NELL1: variants seen among roughly 807,000 people sequenced by gnomAD.
NELL1 encodes the protein neural EGFL like 1.
Under a neutral mutation model 107.4 loss-of-function variants are expected in NELL1, and 76 were observed. That is an observed-to-expected ratio of 0.71 (90% CI 0.59 to 0.86). NELL1 has a LOEUF of 0.86. NELL1 is among the 40% of genes least tolerant of loss of function. The pLI is 0.00. For missense variants in NELL1, 1,024 were observed against 1,005.5 expected, an observed-to-expected ratio of 1.02 and a Z score of -0.25; for synonymous variants, 353 against 341.2, an observed-to-expected ratio of 1.03 and a Z score of -0.38.
chr11:21,304,423 T>C (rs1216387967), intron 14 of NELL1, among the ~76,000 whole-genome samples: 1 of 152,026 alleles, frequency 6.6e-6, no homozygotes, highest in African/African-American at 2.4e-5. Flanking sequence ...CTATTGTCTC[T>C]ACCACTGTGT....
At chr11:20,814,075 A>G (rs1275462101) in intron 3 of NELL1, among the ~76,000 whole-genome samples, 1 of 151,790 alleles carries the variant, frequency 6.6e-6, no homozygotes, top group African/African-American at 2.4e-5. Context: ...GGCTCACTGC[A>G]AGCTCCACCT....
At chr11:21,046,300 A>G (rs1457217645) in intron 12 of NELL1, among the ~76,000 whole-genome samples, 2 of 152,186 alleles carry the variant, frequency 1.3e-5, no homozygotes, top group Admixed American at 1.3e-4. Context: ...ACTAATCAAC[A>G]TCAAGTTAAC....
chr11:20,764,680 A>G (rs1479750756), intron 2 of NELL1, among the ~76,000 whole-genome samples: 3 of 149,978 alleles, frequency 2.0e-5, no homozygotes. Flanking sequence ...TACCCAGGTG[A>G]TTCTGATGCA....
At chr11:21,386,802 A>G (rs1851757247) in intron 15 of NELL1, among the ~76,000 whole-genome samples, 1 of 151,874 alleles carries the variant, frequency 6.6e-6, no homozygotes, top group Non-Finnish European at 1.5e-5. Flanking sequence ...TTATTTTTGT[A>G]CATATATTTT....
chr11:21,075,741 G>C (rs573022146), intron 12 of NELL1, among the ~76,000 whole-genome samples: 8 of 152,178 alleles, frequency 5.3e-5, no homozygotes, highest in Non-Finnish European at 8.8e-5. Context: ...CCTAAGATCA[G>C]TCTTTGACAA....
At chr11:20,945,798 C>A (rs749620199) in intron 10 of NELL1, among the ~76,000 whole-genome samples, 10 of 152,122 alleles carry the variant, frequency 6.6e-5, no homozygotes, top group Non-Finnish European at 4.4e-5. Flanking sequence ...TAGATACCAC[C>A]CATCATGGTC....
chr11:21,545,484 A>G (rs1856418987), intron 16 of NELL1, among the ~76,000 whole-genome samples: 1 of 151,962 alleles, frequency 6.6e-6, no homozygotes, highest in Non-Finnish European at 1.5e-5. Context: ...GTAATACACA[A>G]GGAAAAGATT....
intron 11 of NELL1, among the ~76,000 whole-genome samples, chr11:20,947,989 T>C (rs1022213045): frequency 6.6e-6 from 1 of 152,152 alleles, no homozygotes; most frequent in Non-Finnish European, 1.5e-5. Context: ...TTTTGCTTCA[T>C]CTTCCTGGAA....
chr11:21,008,662 T>G (rs538304327), intron 12 of NELL1, among the ~76,000 whole-genome samples: 1 of 152,068 alleles, frequency 6.6e-6, no homozygotes, highest in African/African-American at 2.4e-5. Context: ...AAAGGTTAGC[T>G]TTTTGGGAGA....
At position 21,575,216 on chromosome 11, in the gene NELL1, A is replaced by G. The variant is rs1301072604; in HGVS notation, c.*194A>G. 1.7e-6 allele frequency: 1 copy of G among 576,498 alleles called. No individual in the cohort carries two copies. Among genetic ancestry groups the G allele is most frequent in the Non-Finnish European group, 3.1e-6 (1 of 320,322 alleles). 35.7% of individuals were successfully genotyped at this position (576,498 alleles called of 1,614,324 possible). On this transcript the variant is annotated 3_prime_UTR_variant, in exon 20 of 20. Transcript: ENST00000357134. ...CCACTTTGCTCATTCTTGCTAACCT[A>G]GTCTAGGTGACCTACAGTGCCGTGC... is the stretch of plus-strand genomic sequence containing the variant.
intron 14 of NELL1, among the ~76,000 whole-genome samples, chr11:21,280,589 A>C (rs1167723734): frequency 6.6e-6 from 1 of 152,100 alleles, no homozygotes; most frequent in Non-Finnish European, 1.5e-5. Context: ...GTCACAGCAG[A>C]AGACAAAACT....
At chr11:20,683,255 T>C (rs1280380569) in intron 2 of NELL1, among the ~76,000 whole-genome samples, 2 of 152,146 alleles carry the variant, frequency 1.3e-5, no homozygotes, top group Admixed American at 6.6e-5. Flanking sequence ...AATTATCTTT[T>C]AAGCAGATTT....
chr11:21,293,622 A>C (rs934368522), intron 14 of NELL1, among the ~76,000 whole-genome samples: 2 of 152,216 alleles, frequency 1.3e-5, no homozygotes, highest in Non-Finnish European at 2.9e-5. Context: ...CTATAAAGAC[A>C]CATGCACATG....
intron 12 of NELL1, among the ~76,000 whole-genome samples, chr11:21,066,570 G>T (rs2134371294): frequency 1.3e-5 from 2 of 152,238 alleles, no homozygotes; most frequent in African/African-American, 4.8e-5. Context: ...TGAAATAAAG[G>T]TTGCTATCAT....
intron 14 of NELL1, among the ~76,000 whole-genome samples, chr11:21,231,132 A>G (rs1162734299): frequency 1.3e-5 from 2 of 152,172 alleles, no homozygotes; most frequent in Admixed American, 6.5e-5. Context: ...TACACATCAC[A>G]TTGAAAGATA....
intron 13 of NELL1, among the ~76,000 whole-genome samples, chr11:21,192,426 A>G (rs1318924011): frequency 1.3e-5 from 2 of 151,946 alleles, no homozygotes; most frequent in Non-Finnish European, 2.9e-5. Flanking sequence ...AAATTCAGGC[A>G]GATAAAATTA....
intron 12 of NELL1, among the ~76,000 whole-genome samples, chr11:21,017,132 C>G (rs1852583710): frequency 1.3e-5 from 2 of 152,054 alleles, no homozygotes; most frequent in South Asian, 4.1e-4. Context: ...ATTTCTTTCC[C>G]TATATGATTT....
At chr11:21,045,133 G>A (rs1853325680) in intron 12 of NELL1, among the ~76,000 whole-genome samples, 1 of 152,170 alleles carries the variant, frequency 6.6e-6, no homozygotes. Context: ...TAGTGAGAAA[G>A]TAAATAGATT....
chr11:20,699,392 G>A (rs953251089), intron 2 of NELL1, among the ~76,000 whole-genome samples: 4 of 150,858 alleles, frequency 2.7e-5, no homozygotes, highest in African/African-American at 7.3e-5. Flanking sequence ...ATGGAGTCTC[G>A]CTCTGTCACT....
Sources: allele counts gnomAD v4.1 joint callset (sites outside exome capture counted in the v4.1 genomes callset), GRCh38; gene constraint gnomAD v4.1.1; transcripts MANE v1.5; gene names NCBI Gene and HGNC (gene_info 2026-07-23, HGNC 2026-07-21).